The following AFG2A variants were observed in gnomAD, a reference collection of about 807,000 sequenced individuals.
AFG2A encodes the protein ATPase family gene 2 protein homolog A.
At chr4:122,934,595 C>T in the AFG2A span, 4 of 1,613,776 alleles carry the variant, frequency 2.5e-6, no homozygotes, top group Admixed American at 5.0e-5. Context: ...GTCAATTTTA[C>T]AGAGATTGAT....
chr4:123,220,004 A>G, the AFG2A span, among the ~76,000 whole-genome samples: 3 of 151,840 alleles, frequency 2.0e-5, no homozygotes, highest in African/African-American at 7.3e-5. Flanking sequence ...CGAGTAGCTG[A>G]GACTACAGGC....
the AFG2A span, among the ~76,000 whole-genome samples, chr4:123,106,713 T>C: frequency 1.3e-5 from 2 of 152,044 alleles, no homozygotes; most frequent in African/African-American, 4.8e-5. Flanking sequence ...GGACTTGGAG[T>C]GTTGCTTCAC....
the AFG2A span, among the ~76,000 whole-genome samples, chr4:123,175,068 C>T: frequency 3.9e-5 from 6 of 152,086 alleles, no homozygotes; most frequent in Admixed American, 3.9e-4. Context: ...GGCAAGCCAT[C>T]ATGCCCAGCC....
the AFG2A span, chr4:122,979,157 G>T: frequency 6.6e-7 from 1 of 1,513,820 alleles, no homozygotes; most frequent in East Asian, 2.4e-5. Context: ...CTCCAGATGG[G>T]CCACCGGAGC....
At chr4:123,144,935 A>G in the AFG2A span, among the ~76,000 whole-genome samples, 138,045 of 152,090 alleles carry the variant, frequency 0.91, 62,892 homozygotes, top group East Asian at 0.98. Flanking sequence ...ACTGGAAGCA[A>G]TTATTTTCCT....
the AFG2A span, among the ~76,000 whole-genome samples, chr4:123,052,105 T>C: frequency 3.9e-5 from 6 of 152,180 alleles, no homozygotes; most frequent in African/African-American, 1.4e-4. Flanking sequence ...TGTTGTCTCA[T>C]AGCTCCCATA....
At chr4:123,114,924 T>C in the AFG2A span, among the ~76,000 whole-genome samples, 1 of 152,166 alleles carries the variant, frequency 6.6e-6, no homozygotes, top group South Asian at 2.1e-4. Flanking sequence ...GCTTGTGGGC[T>C]TTCAAGACAT....
chr4:123,046,831 C>A, the AFG2A span, among the ~76,000 whole-genome samples: 1 of 152,214 alleles, frequency 6.6e-6, no homozygotes, highest in African/African-American at 2.4e-5. Flanking sequence ...CACCATTCTA[C>A]GCTTTACCAC....
chr4:123,049,152 G>T, the AFG2A span, among the ~76,000 whole-genome samples: 2 of 152,118 alleles, frequency 1.3e-5, no homozygotes, highest in African/African-American at 4.8e-5. Flanking sequence ...TGTTAATGCA[G>T]TGTTCAATGT....
chr4:123,003,581 G>T, the AFG2A span, among the ~76,000 whole-genome samples: 5 of 152,180 alleles, frequency 3.3e-5, no homozygotes, highest in Non-Finnish European at 5.9e-5. Flanking sequence ...TCCAGACCCT[G>T]TTTGCCTGGG....
At chr4:123,065,508 T>C in the AFG2A span, among the ~76,000 whole-genome samples, 1 of 152,300 alleles carries the variant, frequency 6.6e-6, no homozygotes, top group Admixed American at 6.5e-5. Flanking sequence ...TTACAGTAAT[T>C]TTTGCAAGAT....
the AFG2A span, among the ~76,000 whole-genome samples, chr4:123,022,440 A>G: frequency 6.6e-6 from 1 of 152,020 alleles, no homozygotes; most frequent in Admixed American, 6.5e-5. Flanking sequence ...AAAAATGGTC[A>G]TCATCACTGG....
At chr4:123,000,493 T>G in the AFG2A span, among the ~76,000 whole-genome samples, 14 of 151,748 alleles carry the variant, frequency 9.2e-5, no homozygotes, top group East Asian at 2.7e-3. Context: ...ATACCTAATT[T>G]ATTGAGAGTT....
chr4:123,091,868 T>C, the AFG2A span, among the ~76,000 whole-genome samples: 1 of 152,252 alleles, frequency 6.6e-6, no homozygotes, highest in African/African-American at 2.4e-5. Flanking sequence ...TTGTTGTTGC[T>C]GGCATTATTG....
At chr4:123,046,135 C>T in the AFG2A span, among the ~76,000 whole-genome samples, 6,173 of 151,836 alleles carry the variant, frequency 0.041, 406 homozygotes, top group African/African-American at 0.14. Context: ...AATAAATACC[C>T]TATTTCTTAA....
chr4:123,080,055 A>G, the AFG2A span, among the ~76,000 whole-genome samples: 42 of 152,174 alleles, frequency 2.8e-4, 1 homozygote, highest in South Asian at 8.3e-3. Flanking sequence ...GGCCAACTCC[A>G]ACCTTCTTGA....
chr4:123,202,415 A>G, the AFG2A span, among the ~76,000 whole-genome samples: 1 of 152,140 alleles, frequency 6.6e-6, no homozygotes, highest in Non-Finnish European at 1.5e-5. Context: ...TATTCTAATA[A>G]TTTTATGGCC....
the AFG2A span, among the ~76,000 whole-genome samples, chr4:123,166,721 T>C: frequency 6.6e-6 from 1 of 152,174 alleles, no homozygotes; most frequent in Non-Finnish European, 1.5e-5. Context: ...ATTAGATTAA[T>C]TTTCGGTTCC....
chr4:123,109,173 T>C, the AFG2A span, among the ~76,000 whole-genome samples: 1 of 152,162 alleles, frequency 6.6e-6, no homozygotes, highest in Non-Finnish European at 1.5e-5. Context: ...TGTTTTATCT[T>C]TGCTTGTTAG....
Sources: gnomAD v4.1 joint callset for allele counts (sites outside exome capture counted in the v4.1 genomes callset) on GRCh38, gnomAD v4.1.1 for gene constraint, MANE v1.5 for transcripts, NCBI Gene and HGNC (gene_info 2026-07-23, HGNC 2026-07-21) for gene names.